The following TBL1XR1 variants were observed in gnomAD, a reference collection of about 807,000 sequenced individuals.
TBL1XR1 encodes TBL1X/Y related 1.
TBL1XR1 carries 5 observed loss-of-function variants against 66.9 expected under a neutral mutation model. The observed-to-expected ratio is 0.07, with a 90% CI of 0.04 to 0.16. The LOEUF (loss-of-function observed/expected upper bound fraction) is 0.16. Ranked by LOEUF, TBL1XR1 falls within the 10% of genes least tolerant of loss-of-function variation. The pLI is 1.00. For synonymous variants in TBL1XR1, 210 were observed against 206.0 expected, an observed-to-expected ratio of 1.02 and a Z score of -0.17; for missense variants, 238 against 623.2, an observed-to-expected ratio of 0.38 and a Z score of 6.58.
At chr3:177,142,677 A>G (rs997923592) in intron 1 of TBL1XR1, among the ~76,000 whole-genome samples, 2 of 152,176 alleles carry the variant, frequency 1.3e-5, no homozygotes, top group Non-Finnish European at 2.9e-5. Context: ...ATTTACGATT[A>G]AAATAAGTAA....
intron 2 of TBL1XR1, among the ~76,000 whole-genome samples, chr3:177,086,596 C>T (rs1440662192): frequency 6.6e-6 from 1 of 152,086 alleles, no homozygotes; most frequent in Non-Finnish European, 1.5e-5. Flanking sequence ...CATCTCTCTA[C>T]TATAATTAGA....
chr3:177,063,242 A>G (rs1433870332), intron 3 of TBL1XR1, among the ~76,000 whole-genome samples: 2 of 152,200 alleles, frequency 1.3e-5, no homozygotes, highest in Non-Finnish European at 2.9e-5. Flanking sequence ...TCAAGTATCA[A>G]TTTGTGGACT....
chr3:177,027,107 C>T (rs1427444384), intron 14 of TBL1XR1: 9 of 152,148 alleles, frequency 5.9e-5, no homozygotes, highest in Admixed American at 3.9e-4. Flanking sequence ...GTGATCCTCC[C>T]GCCTCCACCT....
intron 1 of TBL1XR1, among the ~76,000 whole-genome samples, chr3:177,132,795 G>A (rs921253453): frequency 6.6e-6 from 1 of 152,096 alleles, no homozygotes; most frequent in Non-Finnish European, 1.5e-5. Context: ...ATAAACAAAT[G>A]GCAGGAAATT....
At chr3:177,049,954 G>C (rs772424721) in intron 7 of TBL1XR1, 43 bp downstream of exon 7, 12 of 1,599,088 alleles carry the variant, frequency 7.5e-6, no homozygotes, top group Non-Finnish European at 1.0e-5. Context: ...TGAGGGTTAG[G>C]TATACTAGTA....
Position 177,151,276 on chromosome 3 carries a change from A to G in TBL1XR1, c.-122+45845T>C, listed in dbSNP as rs547975922. 2.6e-5 allele frequency among the ~76,000 whole-genome samples: 4 copies of G among 152,338 alleles called. No individual in the cohort carries two copies. The South Asian group carries it at 8.3e-4, about 32-fold the overall frequency. On this transcript the variant is annotated intron_variant, in intron 1 of 15. Coordinates refer to ENST00000457928, the MANE Select transcript of TBL1XR1 (RefSeq NM_024665.7). ...TATTTATGTTTCAGTATAGCTTAAC[A>G]TTACCAGTGTGTATCAAAAGCAGTA...
At chr3:177,053,525 A>G (rs1350746656) in intron 4 of TBL1XR1, among the ~76,000 whole-genome samples, 2 of 152,212 alleles carry the variant, frequency 1.3e-5, no homozygotes, top group Admixed American at 6.5e-5. Flanking sequence ...TGTTGTGTTA[A>G]TAAAAATTCT....
rs184785466 is a variant in TBL1XR1 at position 177,182,282 on chromosome 3, G to T, written c.-122+14839C>A. Among the ~76,000 whole-genome samples the T allele has an allele frequency of 2.6e-3, 390 of 152,232 alleles. 7 individuals are homozygous for T. The highest frequency in any genetic ancestry group is 6.8e-3 in the Middle Eastern group (2 of 294). ...CGTAGTAGTCCCAGATACTCAAGAG[G>T]CTGAGGTGATAGGACCACCTGAGCC... On this transcript the variant is annotated intron_variant, in intron 1 of 15. Transcript: ENST00000457928.
chr3:177,154,665 G>A (rs1731284272), intron 1 of TBL1XR1, among the ~76,000 whole-genome samples: 1 of 152,128 alleles, frequency 6.6e-6, no homozygotes, highest in Non-Finnish European at 1.5e-5. Flanking sequence ...GGAGTGCTAA[G>A]ATTACAGGCA....
At chr3:177,123,377 A>C (rs944871999) in intron 1 of TBL1XR1, among the ~76,000 whole-genome samples, 1 of 152,072 alleles carries the variant, frequency 6.6e-6, no homozygotes, top group Non-Finnish European at 1.5e-5. Context: ...CACTGATAAG[A>C]AGCTTTCATT....
chr3:177,143,667 G>A (rs1045161978), intron 1 of TBL1XR1, among the ~76,000 whole-genome samples: 1 of 152,190 alleles, frequency 6.6e-6, no homozygotes. Context: ...ACCATGTGAA[G>A]TAGGTAAATG....
chr3:177,157,246 C>T (rs1027756881), intron 1 of TBL1XR1, among the ~76,000 whole-genome samples: 2 of 152,120 alleles, frequency 1.3e-5, no homozygotes, highest in African/African-American at 4.8e-5. Flanking sequence ...TCTCCGGAGG[C>T]TCCTAAAGCA....
At chr3:177,093,163 T>A (rs192028021) in intron 2 of TBL1XR1, among the ~76,000 whole-genome samples, 48 of 152,236 alleles carry the variant, frequency 3.2e-4, no homozygotes, top group Middle Eastern at 3.4e-3. Flanking sequence ...CTTCTATACA[T>A]CAACAGCAAC....
At chr3:177,050,707 A>C (rs1438136600) in intron 5 of TBL1XR1, 97 bp from the exon 6 acceptor site, 4 of 1,329,510 alleles carry the variant, frequency 3.0e-6, no homozygotes, top group Non-Finnish European at 3.2e-6. Flanking sequence ...CCTTTATCGC[A>C]CACAGTGTAA....
rs1678861594 is a variant in TBL1XR1, at chr3:177,023,922, A to T, written c.*1576T>A. Reference sequence around the variant, plus strand: ...TGACTATTCTCTTCAGAAATGACATACCTGGATTATGTTAATCATGACAAG... The same window carrying T: ...TGACTATTCTCTTCAGAAATGACATTCCTGGATTATGTTAATCATGACAAG... On this transcript the variant is annotated 3_prime_UTR_variant, in exon 16 of 16. Transcript: ENST00000457928. 1 of 152,116 alleles carries T rather than the reference A, an allele frequency of 6.6e-6. No homozygotes were observed. The highest frequency in any genetic ancestry group is 2.4e-5 in the African/African-American group (1 of 41,450). The allele number at this position is 152,116 out of a possible 1,614,324, so 9.4% of individuals were successfully genotyped here.
chr3:177,045,874 A>G (rs918035178), intron 10 of TBL1XR1, among the ~76,000 whole-genome samples: 3 of 152,148 alleles, frequency 2.0e-5, no homozygotes, highest in African/African-American at 7.2e-5. Context: ...TCAAAAATCT[A>G]TGTTCTTTCC....
chr3:177,119,746 T>C (rs969410844), intron 1 of TBL1XR1, among the ~76,000 whole-genome samples: 2 of 152,228 alleles, frequency 1.3e-5, no homozygotes, highest in Admixed American at 6.5e-5. Context: ...CTTGCGTGGC[T>C]AGAAGCTCCA....
chr3:177,186,556 G>C (rs1236064940), intron 1 of TBL1XR1, among the ~76,000 whole-genome samples: 1 of 152,062 alleles, frequency 6.6e-6, no homozygotes, highest in Non-Finnish European at 1.5e-5. Flanking sequence ...TTCCCAATTA[G>C]CCTGTTGAAA....
At chr3:177,199,723 A>G (rs1445110600), upstream of TBL1XR1, among the ~76,000 whole-genome samples, 2 of 152,120 alleles carry the variant, frequency 1.3e-5, no homozygotes, top group East Asian at 3.9e-4. Context: ...CAGGTCTTCC[A>G]GCCTGAAGTT....
Sources: gnomAD v4.1 joint callset for allele counts (sites outside exome capture counted in the v4.1 genomes callset) on GRCh38, gnomAD v4.1.1 for gene constraint, MANE v1.5 for transcripts, NCBI Gene and HGNC (gene_info 2026-07-23, HGNC 2026-07-21) for gene names.